Variants in GNAL observed in about 807,000 individuals in gnomAD.
GNAL encodes guanine nucleotide-binding protein G(olf) subunit alpha.
Under a neutral mutation model 55.1 loss-of-function variants are expected in GNAL, and 18 were observed. The observed-to-expected ratio is 0.33, with a 90% confidence interval of 0.23 to 0.48. The LOEUF (loss-of-function observed/expected upper bound fraction) is 0.48. Ranked by LOEUF, GNAL falls within the 20% of genes least tolerant of loss-of-function variation. The probability of loss-of-function intolerance (pLI) is 0.99; values close to 1 mark genes in which losing one functional copy is unlikely to be tolerated. For synonymous variants in GNAL, 253 were observed against 237.0 expected (o/e 1.07, Z -0.62); for missense variants, 412 against 614.1 (o/e 0.67, Z 3.48).
At chr18:11,727,607 T>C (rs1308191359) in intron 1 of GNAL, among the ~76,000 whole-genome samples, 1 of 152,234 alleles carries the variant, frequency 6.6e-6, no homozygotes, top group Non-Finnish European at 1.5e-5. Flanking sequence ...GAGGCATTTA[T>C]TGAGCCAATT....
intron 4 of GNAL, among the ~76,000 whole-genome samples, chr18:11,786,923 G>A (rs1238897244): frequency 6.6e-6 from 1 of 152,028 alleles, no homozygotes; most frequent in Non-Finnish European, 1.5e-5. Flanking sequence ...GGGAGGTGGA[G>A]GGTGAGTGAG....
At chr18:11,809,384 C>T (rs1368472976) in intron 4 of GNAL, among the ~76,000 whole-genome samples, 1 of 152,092 alleles carries the variant, frequency 6.6e-6, no homozygotes, top group African/African-American at 2.4e-5. Context: ...GATGAAGGCA[C>T]AACTCTACAA....
chr18:11,794,988 G>A (rs942951401), intron 4 of GNAL, among the ~76,000 whole-genome samples: 1 of 151,984 alleles, frequency 6.6e-6, no homozygotes, highest in Non-Finnish European at 1.5e-5. Flanking sequence ...GATTACCGGC[G>A]CCTGCCATCA....
chr18:11,738,795 C>T (rs1196652742), intron 1 of GNAL, among the ~76,000 whole-genome samples: 1 of 152,084 alleles, frequency 6.6e-6, no homozygotes. Flanking sequence ...AAGGAGGAGG[C>T]ACTCCTTCCA....
intron 4 of GNAL, among the ~76,000 whole-genome samples, chr18:11,773,478 A>G (rs1458122096): frequency 2.0e-5 from 3 of 152,150 alleles, no homozygotes; most frequent in African/African-American, 7.2e-5. Context: ...CAAAAATCTC[A>G]TAATAGGCCA....
chr18:11,854,619 T>C (rs1457856675), intron 5 of GNAL, among the ~76,000 whole-genome samples: 1 of 152,036 alleles, frequency 6.6e-6, no homozygotes, highest in Non-Finnish European at 1.5e-5. Context: ...CCGCCTCTAC[T>C]AAAAATATGA....
chr18:11,850,119 G>A (rs752092800), intron 5 of GNAL, among the ~76,000 whole-genome samples: 1 of 152,198 alleles, frequency 6.6e-6, no homozygotes, highest in Non-Finnish European at 1.5e-5. Context: ...CCACAGGACC[G>A]GGCGTCAGTC....
chr18:11,879,105 TAAA>T (rs869166392), intron 11 of GNAL, among the ~76,000 whole-genome samples: 750 of 10,544 alleles, frequency 0.071, 6 homozygotes, highest in African/African-American at 0.24. Context: ...TACAGTATAA[TAAA>T]ATATATATAT....
intron 4 of GNAL, among the ~76,000 whole-genome samples, chr18:11,776,707 CAAAA>C (rs33937288): frequency 5.6e-5 from 4 of 71,646 alleles, no homozygotes; most frequent in Non-Finnish European, 2.8e-5. Flanking sequence ...GATCCTGCCT[CAAAA>C]AAAAAAAAAA....
intron 4 of GNAL, among the ~76,000 whole-genome samples, chr18:11,778,614 T>C (rs1190750173): frequency 6.6e-6 from 1 of 152,168 alleles, no homozygotes; most frequent in South Asian, 2.1e-4. Context: ...CTAGGCAAGG[T>C]GATCTCTGAA....
At chr18:11,722,192 A>G (rs762951138) in intron 1 of GNAL, among the ~76,000 whole-genome samples, 1 of 152,184 alleles carries the variant, frequency 6.6e-6, no homozygotes, top group African/African-American at 2.4e-5. Context: ...CTCTGGACAC[A>G]TTTCTTCAGC....
At chr18:11,795,848 C>T (rs926362875) in intron 4 of GNAL, among the ~76,000 whole-genome samples, 1 of 152,166 alleles carries the variant, frequency 6.6e-6, no homozygotes, top group Admixed American at 6.5e-5. Context: ...CATCAGACTC[C>T]ACTAAGAATG....
chr18:11,800,437 C>T (rs995348603), intron 4 of GNAL, among the ~76,000 whole-genome samples: 2 of 152,196 alleles, frequency 1.3e-5, no homozygotes, highest in African/African-American at 2.4e-5. Context: ...AAGAATTCTA[C>T]AGGCATGAAA....
intron 4 of GNAL, among the ~76,000 whole-genome samples, chr18:11,813,371 A>G (rs944725870): frequency 5.9e-5 from 9 of 152,212 alleles, no homozygotes; most frequent in African/African-American, 1.9e-4. Flanking sequence ...CATAGATTCA[A>G]TGTAATCCCA....
At chr18:11,867,045 G>A (rs1567901207) in intron 7 of GNAL, 123 bp from the exon 8 acceptor site, 5 of 755,314 alleles carry the variant, frequency 6.6e-6, no homozygotes, top group South Asian at 1.5e-5. Context: ...CCAGTGACCC[G>A]AGCTTGACTC....
rs559756903 is a variant in GNAL, at chr18:11,746,541, T to C, written c.377-6312T>C. 7.2e-4 allele frequency: 164 copies of C among 228,962 alleles called. 1 individual carries two copies. Among genetic ancestry groups the C allele is most frequent in the African/African-American group, 3.6e-3 (156 of 43,862 alleles). The allele number at this position is 228,962 out of a possible 1,614,324, so 14.2% of individuals were successfully genotyped here. A position where few individuals can be genotyped will look rare whatever the true frequency, so the allele number is the denominator to read the frequency against. On this transcript the variant is annotated intron_variant, in intron 1 of 11. Transcript: ENST00000334049. ...GAGAGGATCCCTCCAGCCCAGGAGG[T>C]TGAGGCTACAGTGAGCTGTGATTGT...
At chr18:11,715,283 C>G (rs1236437181) in intron 1 of GNAL, among the ~76,000 whole-genome samples, 1 of 138,824 alleles carries the variant, frequency 7.2e-6, no homozygotes, top group Non-Finnish European at 1.5e-5. Context: ...CACGGTGAAA[C>G]CCTGTCTCTA....
chr18:11,778,647 C>T (rs2033847846), intron 4 of GNAL, among the ~76,000 whole-genome samples: 1 of 152,030 alleles, frequency 6.6e-6, no homozygotes. Context: ...CTCTGAGAAC[C>T]AACAGAATTA....
At chr18:11,747,605 A>ATAGGGGTACTGGGGAT (rs2032716935) in intron 1 of GNAL, 1 of 139,658 alleles carries the variant, frequency 7.2e-6, no homozygotes, top group Admixed American at 7.1e-5. Context: ...CTTGTTGTGA[A>ATAGGGGTACTGGGGAT]GGATAGGGGT....
Sources: allele counts gnomAD v4.1 joint callset (sites outside exome capture counted in the v4.1 genomes callset), GRCh38; gene constraint gnomAD v4.1.1; transcripts MANE v1.5; gene names NCBI Gene and HGNC (gene_info 2026-07-23, HGNC 2026-07-21).